PTPN2: variants seen among roughly 807,000 people sequenced by gnomAD.
PTPN2 encodes the protein tyrosine-protein phosphatase non-receptor type 2.
PTPN2 carries 19 observed loss-of-function variants against 57.3 expected under a neutral mutation model. The observed-to-expected ratio is 0.33, with a 90% CI of 0.23 to 0.49. PTPN2 has a LOEUF of 0.49. Among genes scored for constraint, PTPN2 ranks in the 20% least tolerant of loss-of-function variants. The pLI, the probability that PTPN2 is intolerant of heterozygous loss-of-function variation, is 0.99. For missense variants in PTPN2, 358 were observed against 501.1 expected, an observed-to-expected ratio of 0.71 and a Z score of 2.73; for synonymous variants, 153 against 164.9, an observed-to-expected ratio of 0.93 and a Z score of 0.55.
At chr18:12,804,540 G>C (rs2041568141) in intron 7 of PTPN2, among the ~76,000 whole-genome samples, 1 of 150,680 alleles carries the variant, frequency 6.6e-6, no homozygotes, top group African/African-American at 2.4e-5. Flanking sequence ...ACTCAAATCA[G>C]AGATGAAAAA....
intron 4 of PTPN2, among the ~76,000 whole-genome samples, chr18:12,828,904 AT>A (rs999035643): frequency 2.2e-4 from 33 of 148,072 alleles, no homozygotes; most frequent in South Asian, 4.3e-4. Context: ...AGCAAAAAAA[AT>A]TTTTTTTTTT....
At chr18:12,870,273 G>GCGTGTATA (rs1555679400) in intron 1 of PTPN2, among the ~76,000 whole-genome samples, 1 of 81,752 alleles carries the variant, frequency 1.2e-5, no homozygotes, top group African/African-American at 7.0e-5. Context: ...ATATATATAT[G>GCGTGTATA]TATATATATA....
chr18:12,837,248 A>T (rs1375732353), intron 2 of PTPN2, among the ~76,000 whole-genome samples: 1 of 152,176 alleles, frequency 6.6e-6, no homozygotes, highest in African/African-American at 2.4e-5. Flanking sequence ...TGGTCTACCT[A>T]CAAAACGATA....
At chr18:12,836,734 G>T in intron 3 of PTPN2, 57 bp downstream of exon 3, 1 of 1,101,682 alleles carries the variant, frequency 9.1e-7, no homozygotes, top group Non-Finnish European at 1.3e-6. Context: ...ATGATTTAAA[G>T]CAGAACAAGC....
At chr18:12,790,409 A>G (rs2040954686), downstream of PTPN2, among the ~76,000 whole-genome samples, 1 of 152,212 alleles carries the variant, frequency 6.6e-6, no homozygotes, top group East Asian at 1.9e-4. Context: ...CTAGTCAGGG[A>G]TATTTTTTCT....
chr18:12,813,241 A>G (rs1181058325), intron 7 of PTPN2, among the ~76,000 whole-genome samples: 1 of 152,164 alleles, frequency 6.6e-6, no homozygotes, highest in African/African-American at 2.4e-5. Flanking sequence ...CTAATCTTAA[A>G]CATCTGAAAT....
intron 1 of PTPN2, among the ~76,000 whole-genome samples, chr18:12,873,731 G>A (rs997902484): frequency 6.6e-5 from 10 of 152,138 alleles, no homozygotes; most frequent in African/African-American, 2.2e-4. Context: ...AGTGAGGAGC[G>A]TCTCTGCCTG....
At chr18:12,791,832 T>G (rs2040989804), downstream of PTPN2, among the ~76,000 whole-genome samples, 1 of 152,192 alleles carries the variant, frequency 6.6e-6, no homozygotes, top group African/African-American at 2.4e-5. Context: ...TTCAGCCAGC[T>G]GAGGGGTGAG....
chr18:12,880,026 C>T (rs2044616358), intron 1 of PTPN2, among the ~76,000 whole-genome samples: 1 of 152,166 alleles, frequency 6.6e-6, no homozygotes. Flanking sequence ...GTATGACATC[C>T]AATTCCCGCT....
chr18:12,821,714 CTGTT>C (rs2042274853), intron 5 of PTPN2, among the ~76,000 whole-genome samples: 1 of 152,130 alleles, frequency 6.6e-6, no homozygotes, highest in African/African-American at 2.4e-5. Flanking sequence ...AGAAGTCTGT[CTGTT>C]AGCACGAACA....
downstream of PTPN2, among the ~76,000 whole-genome samples, chr18:12,790,592 C>T (rs373893740): frequency 6.6e-6 from 1 of 152,016 alleles, no homozygotes; most frequent in African/African-American, 2.4e-5. Context: ...TAGGGTAATA[C>T]GTAAAGAAAA....
chr18:12,877,855 C>CA (rs1182564027), intron 1 of PTPN2, among the ~76,000 whole-genome samples: 2 of 151,864 alleles, frequency 1.3e-5, no homozygotes, highest in African/African-American at 2.4e-5. Flanking sequence ...ACTAAAAATA[C>CA]AAAAAATTAG....
intron 2 of PTPN2, among the ~76,000 whole-genome samples, chr18:12,855,610 G>A (rs1236074623): frequency 6.6e-6 from 1 of 152,126 alleles, no homozygotes; most frequent in East Asian, 1.9e-4. Context: ...GCATGGTGAG[G>A]AGCTCTGAGA....
Position 12,815,482 on chromosome 18 carries a change from G to C in PTPN2, c.706-1127C>G, listed in dbSNP as rs534389448. ...AAAGACGGTGGAAAAGACAGCAAAA[G>C]CCCAGATCCACGATAACACTGCTGA... is the stretch of plus-strand genomic sequence containing the variant. On this transcript the variant is annotated intron_variant, in intron 6 of 8. Transcript: ENST00000309660. 2.6e-5 allele frequency among the ~76,000 whole-genome samples: 4 copies of C among 152,012 alleles called. No individual in the cohort carries two copies. The South Asian group carries it at 8.3e-4, about 32-fold the overall frequency.
rs796606266 is a variant in PTPN2 at position 12,818,154 on chromosome 18, AT to A, written c.496-790del. On this transcript the variant is annotated intron_variant, in intron 5 of 8. Coordinates refer to ENST00000309660, the MANE Select transcript of PTPN2 (RefSeq NM_002828.4). ...TGAAACTCCATCTTCAAAAAAAAAA[AT>A]TTTTTTTCTACCAGTATAATTTTAC... Among the ~76,000 whole-genome samples, 8 of 152,054 alleles carry A rather than the reference AT, an allele frequency of 5.3e-5. 1 individual carries two copies. Among genetic ancestry groups the A allele is most frequent in the Admixed American group, 1.3e-4 (2 of 15,264 alleles).
intron 6 of PTPN2, among the ~76,000 whole-genome samples, chr18:12,816,517 A>T (rs2042080281): frequency 6.6e-6 from 1 of 152,210 alleles, no homozygotes; most frequent in Non-Finnish European, 1.5e-5. Flanking sequence ...GAGAAGTATA[A>T]GGGCAAACAG....
At position 12,793,575 on chromosome 18, in the gene PTPN2, C is replaced by T; in HGVS notation, c.*703G>A. 1.0e-6 allele frequency: 1 copy of T among 978,372 alleles called. No homozygotes were observed. The highest frequency in any genetic ancestry group is 1.1e-4 in the East Asian group (1 of 8,908). 60.6% of individuals were successfully genotyped at this position (978,372 alleles called of 1,614,324 possible). A position where few individuals can be genotyped will look rare whatever the true frequency, so the allele number is the denominator to read the frequency against. ...GCTTTTCTTTTTAAAATGGGGAAAACTGTAAAACATAAAAGAAATGCAATA... is the reference window on the plus strand; with the variant it reads ...GCTTTTCTTTTTAAAATGGGGAAAATTGTAAAACATAAAAGAAATGCAATA... On this transcript the variant is annotated 3_prime_UTR_variant, in exon 9 of 9. Transcript: ENST00000309660.
intron 8 of PTPN2, among the ~76,000 whole-genome samples, chr18:12,798,460 A>G (rs2041277653): frequency 6.6e-6 from 1 of 151,894 alleles, no homozygotes; most frequent in Admixed American, 6.6e-5. Context: ...CTATGTGTCC[A>G]TGTGTTCTCA....
intron 3 of PTPN2, among the ~76,000 whole-genome samples, chr18:12,833,649 T>C (rs888827832): frequency 6.6e-6 from 1 of 151,750 alleles, no homozygotes; most frequent in African/African-American, 2.4e-5. Flanking sequence ...ATCAGTGAGG[T>C]AGAAGTGGAG....
Sources: allele counts gnomAD v4.1 joint callset (sites outside exome capture counted in the v4.1 genomes callset), GRCh38; gene constraint gnomAD v4.1.1; transcripts MANE v1.5; gene names NCBI Gene and HGNC (gene_info 2026-07-23, HGNC 2026-07-21).